The following CDKAL1 variants were observed in gnomAD, a reference collection of about 807,000 sequenced individuals.
CDKAL1 encodes the protein threonylcarbamoyladenosine tRNA methylthiotransferase.
Under a neutral mutation model 68.2 loss-of-function variants are expected in CDKAL1, and 32 were observed. The observed-to-expected ratio is 0.47, with a 90% CI of 0.35 to 0.63. The LOEUF is 0.63. CDKAL1 is among the 30% of genes least tolerant of loss of function. The pLI is 0.00. For missense variants in CDKAL1, 606 were observed against 696.7 expected, an observed-to-expected ratio of 0.87 and a Z score of 1.47; for synonymous variants, 234 against 244.3, an observed-to-expected ratio of 0.96 and a Z score of 0.39.
intron 9 of CDKAL1, among the ~76,000 whole-genome samples, chr6:20,851,966 A>G (rs1324373730): frequency 2.0e-5 from 3 of 152,046 alleles, no homozygotes; most frequent in South Asian, 2.1e-4. Context: ...GGGGGCCATA[A>G]TTGTATTCTG....
At chr6:21,138,237 C>G (rs959712) in intron 13 of CDKAL1, among the ~76,000 whole-genome samples, 75,236 of 151,226 alleles carry the variant, frequency 0.5, 18,926 homozygotes, top group East Asian at 0.68. Context: ...ATGTGTGTGT[C>G]TGTGTGTGTG....
chr6:21,037,803 G>A (rs1004394590), intron 11 of CDKAL1, among the ~76,000 whole-genome samples: 31 of 151,996 alleles, frequency 2.0e-4, no homozygotes, highest in Admixed American at 2.0e-3. Context: ...AAGATTATGC[G>A]ATTTACATTT....
intron 8 of CDKAL1, among the ~76,000 whole-genome samples, chr6:20,799,046 T>TTTG (rs1561787360): frequency 9.4e-6 from 1 of 106,716 alleles, no homozygotes; most frequent in Non-Finnish European, 1.9e-5. Context: ...CTGAGTTTTT[T>TTTG]TTTTTTTTTT....
At chr6:21,111,697 T>C (rs1172007446) in intron 13 of CDKAL1, among the ~76,000 whole-genome samples, 2 of 152,180 alleles carry the variant, frequency 1.3e-5, no homozygotes, top group Non-Finnish European at 2.9e-5. Context: ...GCTTAGAAAA[T>C]ACTTTATTTC....
At chr6:20,838,246 C>G (rs989912939) in intron 8 of CDKAL1, among the ~76,000 whole-genome samples, 3 of 151,938 alleles carry the variant, frequency 2.0e-5, no homozygotes, top group Admixed American at 6.6e-5. Context: ...AAATCTCCTA[C>G]TATGGTAGGA....
chr6:20,786,494 CTTTTTTTTTT>C (rs1197574844), intron 8 of CDKAL1, among the ~76,000 whole-genome samples: 1 of 80,730 alleles, frequency 1.2e-5, no homozygotes, highest in South Asian at 5.3e-4. Context: ...TTTTTCTTAT[CTTTTTTTTTT>C]TTTTTTTTTT....
chr6:20,611,042 G>T (rs1766596008), intron 4 of CDKAL1, among the ~76,000 whole-genome samples: 1 of 152,056 alleles, frequency 6.6e-6, no homozygotes, highest in Non-Finnish European at 1.5e-5. Context: ...CCTTCCTTTA[G>T]AATTTATTCT....
chr6:21,042,135 G>A (rs1313992897), intron 11 of CDKAL1, among the ~76,000 whole-genome samples: 1 of 151,934 alleles, frequency 6.6e-6, no homozygotes, highest in Non-Finnish European at 1.5e-5. Context: ...TCTAGTTGAG[G>A]CACTCAAGTC....
At chr6:20,676,295 A>T (rs1770092619) in intron 5 of CDKAL1, among the ~76,000 whole-genome samples, 1 of 152,016 alleles carries the variant, frequency 6.6e-6, no homozygotes, top group Non-Finnish European at 1.5e-5. Flanking sequence ...TTCACTCAAC[A>T]CTCACCCACT....
intron 13 of CDKAL1, among the ~76,000 whole-genome samples, chr6:21,109,250 G>A (rs550013083): frequency 2.6e-5 from 4 of 152,264 alleles, no homozygotes; most frequent in African/African-American, 9.6e-5. Flanking sequence ...CTGTTAATTC[G>A]AGGTGATTTC....
chr6:20,549,631 T>A (rs915247345), intron 4 of CDKAL1, among the ~76,000 whole-genome samples: 1 of 151,450 alleles, frequency 6.6e-6, no homozygotes, highest in African/African-American at 2.4e-5. Flanking sequence ...TACTTTGAGA[T>A]GGGGTCTCTT....
chr6:21,004,683 G>C (rs1242208385), intron 11 of CDKAL1, among the ~76,000 whole-genome samples: 1 of 152,256 alleles, frequency 6.6e-6, no homozygotes, highest in East Asian at 1.9e-4. Flanking sequence ...ATCTGTGTTT[G>C]GCTGGGTGCA....
intron 13 of CDKAL1, among the ~76,000 whole-genome samples, chr6:21,147,091 A>C (rs1213235140): frequency 1.3e-5 from 2 of 152,148 alleles, no homozygotes; most frequent in East Asian, 1.9e-4. Context: ...GTGGGGGGGA[A>C]GTGAATACCT....
At chr6:20,608,942 A>G (rs1374083994) in intron 4 of CDKAL1, among the ~76,000 whole-genome samples, 1 of 152,220 alleles carries the variant, frequency 6.6e-6, no homozygotes, top group Non-Finnish European at 1.5e-5. Flanking sequence ...CAAAACCTTT[A>G]CAGGAATGAT....
intron 8 of CDKAL1, among the ~76,000 whole-genome samples, chr6:20,823,995 G>T (rs1378629996): frequency 6.6e-6 from 1 of 152,072 alleles, no homozygotes; most frequent in Non-Finnish European, 1.5e-5. Flanking sequence ...TGGGGCAAAT[G>T]GGACAAAGGT....
At chr6:21,130,478 G>C (rs994594374) in intron 13 of CDKAL1, among the ~76,000 whole-genome samples, 40 of 152,104 alleles carry the variant, frequency 2.6e-4, no homozygotes, top group African/African-American at 8.2e-4. Context: ...ACTTGCCTTG[G>C]CCTCCCAAAG....
chr6:20,852,453 T>G (rs1202400987), intron 9 of CDKAL1, among the ~76,000 whole-genome samples: 1 of 152,244 alleles, frequency 6.6e-6, no homozygotes, highest in East Asian at 1.9e-4. Flanking sequence ...TCTACCTGGC[T>G]TTTTCTTCTG....
chr6:20,707,690 ATAAC>A (rs1771664207), intron 5 of CDKAL1, among the ~76,000 whole-genome samples: 1 of 152,212 alleles, frequency 6.6e-6, no homozygotes, highest in Admixed American at 6.5e-5. Flanking sequence ...ATGATCAAGA[ATAAC>A]TGACTATTCC....
At chr6:21,105,338 G>A (rs1773792069) in intron 12 of CDKAL1, among the ~76,000 whole-genome samples, 1 of 152,150 alleles carries the variant, frequency 6.6e-6, no homozygotes, top group Non-Finnish European at 1.5e-5. Context: ...ATGGTCAGAA[G>A]CACTGCTCAG....
Sources: allele counts gnomAD v4.1 joint callset (sites outside exome capture counted in the v4.1 genomes callset), GRCh38; gene constraint gnomAD v4.1.1; transcripts MANE v1.5; gene names NCBI Gene and HGNC (gene_info 2026-07-23, HGNC 2026-07-21).